The following ARL8B variants were observed in gnomAD, a reference collection of about 807,000 sequenced individuals.
ARL8B encodes the protein ARF like GTPase 8B.
A neutral mutation model predicts 30.6 loss-of-function variants in ARL8B; 9 were observed. The observed-to-expected ratio is 0.29, with a 90% CI of 0.18 to 0.51. ARL8B has a LOEUF of 0.51. Ranked by LOEUF, ARL8B falls within the 20% of genes least tolerant of loss-of-function variation. ARL8B has a pLI of 0.97. For missense variants in ARL8B, 130 were observed against 227.2 expected, an observed-to-expected ratio of 0.57 and a Z score of 2.75; for synonymous variants, 74 against 76.0, an observed-to-expected ratio of 0.97 and a Z score of 0.14.
chr3:5,160,085 A>T (rs2054568361), intron 1 of ARL8B, among the ~76,000 whole-genome samples: 1 of 152,224 alleles, frequency 6.6e-6, no homozygotes, highest in Non-Finnish European at 1.5e-5. Flanking sequence ...CTTTTTATAT[A>T]AAAATGCAGG....
chr3:5,142,565 G>A (rs955579738), intron 1 of ARL8B, among the ~76,000 whole-genome samples: 3 of 152,188 alleles, frequency 2.0e-5, no homozygotes, highest in Admixed American at 6.5e-5. Context: ...TTGAAGGCTT[G>A]TACCGAAAAT....
chr3:5,153,191 T>C (rs573403604), intron 1 of ARL8B, among the ~76,000 whole-genome samples: 32 of 152,280 alleles, frequency 2.1e-4, no homozygotes, highest in African/African-American at 6.7e-4. Context: ...CCCCTTTATA[T>C]TGTAGTCATT....
At chr3:5,175,232 C>T (rs2054719335) in intron 6 of ARL8B, among the ~76,000 whole-genome samples, 1 of 152,132 alleles carries the variant, frequency 6.6e-6, no homozygotes, top group African/African-American at 2.4e-5. Context: ...TGTTATACAC[C>T]ATTTCACTTA....
intron 1 of ARL8B, among the ~76,000 whole-genome samples, chr3:5,166,113 C>T (rs548634630): frequency 6.7e-5 from 10 of 149,890 alleles, no homozygotes; most frequent in East Asian, 2.0e-4. Flanking sequence ...GATCTTGGCT[C>T]GCTGCAACCT....
Position 5,148,502 on chromosome 3 carries a change from C to T in ARL8B, c.124-22001C>T, listed in dbSNP as rs376450847. Among the ~76,000 whole-genome samples the T allele has an allele frequency of 2.0e-4, 31 of 152,198 alleles. No individual in the cohort carries two copies. The East Asian group carries it at 2.1e-3, about 10-fold the overall frequency. On this transcript the variant is annotated intron_variant, in intron 1 of 6. Transcript: ENST00000256496. Reference sequence around the variant, plus strand: ...CCTGCTGCCCCTTGATTTTCCTGTCCACTATTTTGTGAGATGTATGGAGGG... The same window carrying T: ...CCTGCTGCCCCTTGATTTTCCTGTCTACTATTTTGTGAGATGTATGGAGGG...
chr3:5,157,485 A>C (rs1285297876), intron 1 of ARL8B, among the ~76,000 whole-genome samples: 26 of 133,016 alleles, frequency 2.0e-4, no homozygotes, highest in Non-Finnish European at 7.9e-5. Context: ...AAAAACAAAC[A>C]AAACAAAAAA....
chr3:5,124,276 T>C (rs2054210010), intron 1 of ARL8B, among the ~76,000 whole-genome samples: 1 of 133,688 alleles, frequency 7.5e-6, no homozygotes, highest in Non-Finnish European at 1.6e-5. Context: ...TTTTTTTTTT[T>C]TTTTTTTTCT....
intron 1 of ARL8B, chr3:5,128,365 T>A: frequency 9.5e-6 from 4 of 423,228 alleles, no homozygotes; most frequent in Non-Finnish European, 1.9e-5. Context: ...GATTCTGAGT[T>A]GTGGAAAATG....
In ARL8B at chr3:5,122,321, C is replaced by A; in HGVS notation, c.-145C>A. 6.6e-7 allele frequency: 1 copy of A among 1,523,400 alleles called. No individual in the cohort carries two copies. The highest frequency in any genetic ancestry group is 1.2e-5 in the South Asian group (1 of 82,980). 94.4% of individuals were successfully genotyped at this position (1,523,400 alleles called of 1,614,324 possible). A position where few individuals can be genotyped will look rare whatever the true frequency, so the allele number is the denominator to read the frequency against. On this transcript the variant is annotated 5_prime_UTR_variant, in exon 1 of 7. It adds an upstream start codon to the 5' untranslated region. Transcript: ENST00000256496. ...GATCCGCTCGGCTTCCTGGGTCTGGCTGCTGCCGCCCGCCGGTGTCCGCCC... is the reference window on the plus strand; with the variant it reads ...GATCCGCTCGGCTTCCTGGGTCTGGATGCTGCCGCCCGCCGGTGTCCGCCC...
At chr3:5,125,435 T>TC (rs527890160) in intron 1 of ARL8B, among the ~76,000 whole-genome samples, 3 of 151,520 alleles carry the variant, frequency 2.0e-5, no homozygotes, top group East Asian at 1.9e-4. Flanking sequence ...CATCATGTGT[T>TC]CCCCCCTGCC....
chr3:5,136,663 G>T lies in ARL8B; in HGVS notation c.123+14075G>T, dbSNP rs76206123. On this transcript the variant is annotated intron_variant, in intron 1 of 6. Coordinates refer to ENST00000256496, the MANE Select transcript of ARL8B (RefSeq NM_018184.3). ...TTTATTCTGGCAGGATTTGGAAAGG[G>T]GATTTAAATTAGCTAGTGAAATTAC... is the stretch of plus-strand genomic sequence containing the variant. Among the ~76,000 whole-genome samples the T allele has an allele frequency of 6.7e-3, 1,021 of 152,278 alleles. 12 individuals are homozygous for T. The highest frequency in any genetic ancestry group is 0.023 in the African/African-American group (965 of 41,538).
rs776479234 is a variant in ARL8B, at chr3:5,122,585, C to A, written c.120C>A (p.Ile40=). ...YSGKTTFVNV[I]ASGQFSEDMI... The stretch of plus-strand genomic sequence containing the variant: ...GCAAGACCACCTTCGTCAATGTCAT[C>A]GCGGTGAGCGCCCGCCCACTCACTC... The change falls in exon 1 of 7, where the codon ATC becomes ATA. Residue 40 remains isoleucine (I), a synonymous_variant. Coordinates refer to ENST00000256496, the MANE Select transcript of ARL8B (RefSeq NM_018184.3). The A allele has an allele frequency of 2.5e-6, 4 of 1,598,882 alleles. No homozygotes were observed. In the South Asian group the frequency reaches 4.5e-5, roughly 18 times the overall value.
chr3:5,138,923 C>T lies in ARL8B; in HGVS notation c.123+16335C>T, dbSNP rs534375027. On this transcript the variant is annotated intron_variant, in intron 1 of 6. Transcript: ENST00000256496. ...AGAGAGAGCTGCAGTGTGGAGGAGC[C>T]GGTGAAAGAATGTATTCAGCCCATG... is the stretch of plus-strand genomic sequence containing the variant. Among the ~76,000 whole-genome samples, 5 of 152,186 alleles carry T rather than the reference C, an allele frequency of 3.3e-5. No homozygotes were observed. In the South Asian group the frequency reaches 6.2e-4, roughly 19 times the overall value.
In ARL8B at chr3:5,122,387, G is replaced by T. The variant is rs1179672916; in HGVS notation, c.-79G>T. 6.3e-7 allele frequency: 1 copy of T among 1,596,852 alleles called. No homozygotes were observed. The highest frequency in any genetic ancestry group is 8.5e-7 in the Non-Finnish European group (1 of 1,173,214). On this transcript the variant is annotated 5_prime_UTR_variant, in exon 1 of 7. Coordinates refer to ENST00000256496, the MANE Select transcript of ARL8B (RefSeq NM_018184.3). ...ACCAAGGAGCCGTTGGAGGGTCCGGGCGGAGGCCCGCTCGTGTGGAAGTCG... is the reference window on the plus strand; with the variant it reads ...ACCAAGGAGCCGTTGGAGGGTCCGGTCGGAGGCCCGCTCGTGTGGAAGTCG...
intron 1 of ARL8B, among the ~76,000 whole-genome samples, chr3:5,164,722 T>C (rs1447637867): frequency 6.6e-6 from 1 of 152,214 alleles, no homozygotes; most frequent in Admixed American, 6.5e-5. Context: ...TTTTTGTCAG[T>C]TGACCCAATA....
At chr3:5,157,000 G>A (rs954933795) in intron 1 of ARL8B, 1 of 152,128 alleles carries the variant, frequency 6.6e-6, no homozygotes, top group African/African-American at 2.4e-5. Flanking sequence ...CGAGTACTGC[G>A]ACATTCTAGG....
At chr3:5,138,852 C>A (rs2054348929) in intron 1 of ARL8B, among the ~76,000 whole-genome samples, 1 of 152,154 alleles carries the variant, frequency 6.6e-6, no homozygotes, top group African/African-American at 2.4e-5. Flanking sequence ...ACTGACTGGA[C>A]TAATGGAGTG....
intron 1 of ARL8B, among the ~76,000 whole-genome samples, chr3:5,125,138 C>G (rs2106550255): frequency 6.6e-6 from 1 of 152,308 alleles, no homozygotes; most frequent in Non-Finnish European, 1.5e-5. Flanking sequence ...TGAGTCCTTA[C>G]TTTCCCATCT....
chr3:5,122,340 T>A lies in ARL8B; in HGVS notation c.-126T>A, dbSNP rs1348327434. 6.5e-7 allele frequency: 1 copy of A among 1,541,374 alleles called. No homozygotes were observed. Among genetic ancestry groups the A allele is most frequent in the Non-Finnish European group, 8.7e-7 (1 of 1,145,466 alleles). ...GTCTGGCTGCTGCCGCCCGCCGGTG[T>A]CCGCCCGTGTCGCGCCGGGGCACCA... On this transcript the variant is annotated 5_prime_UTR_variant, in exon 1 of 7. Transcript: ENST00000256496.
Sources: gnomAD v4.1 joint callset for allele counts (sites outside exome capture counted in the v4.1 genomes callset) on GRCh38, gnomAD v4.1.1 for gene constraint, MANE v1.5 for transcripts, NCBI Gene and HGNC (gene_info 2026-07-23, HGNC 2026-07-21) for gene names.